Variants in DPP10 observed in about 807,000 individuals in gnomAD.
The protein encoded by DPP10 is dipeptidyl peptidase like 10.
DPP10 carries 33 observed loss-of-function variants against 120.9 expected under a neutral mutation model. The ratio of observed to expected loss-of-function variants is 0.27; its 90% CI spans 0.21 to 0.37. DPP10 has a LOEUF of 0.37. Among genes scored for constraint, DPP10 ranks in the 10% least tolerant of loss-of-function variants. The pLI is 1.00. For synonymous variants in DPP10, 337 were observed against 326.1 expected (o/e 1.03, Z -0.36); for missense variants, 816 against 942.8 (o/e 0.87, Z 1.76).
chr2:114,537,583 T>C (rs1227956901), intron 1 of DPP10, among the ~76,000 whole-genome samples: 1 of 152,018 alleles, frequency 6.6e-6, no homozygotes, highest in African/African-American at 2.4e-5. Flanking sequence ...ATAATAGCAA[T>C]AATGACAACA....
chr2:115,315,848 G>A (rs898099989), intron 2 of DPP10, among the ~76,000 whole-genome samples: 2 of 151,926 alleles, frequency 1.3e-5, no homozygotes, highest in African/African-American at 4.8e-5. Flanking sequence ...TGGATAATAT[G>A]GATTGTTGTT....
At chr2:114,474,932 C>T (rs1167578197) in intron 1 of DPP10, among the ~76,000 whole-genome samples, 1 of 152,174 alleles carries the variant, frequency 6.6e-6, no homozygotes, top group Non-Finnish European at 1.5e-5. Flanking sequence ...GAGTGGTCAC[C>T]CTCTGAGGAA....
chr2:114,524,305 T>C (rs1685313591), intron 1 of DPP10, among the ~76,000 whole-genome samples: 1 of 152,078 alleles, frequency 6.6e-6, no homozygotes, highest in African/African-American at 2.4e-5. Flanking sequence ...AATATTAAAG[T>C]CCTGAACTAA....
intron 1 of DPP10, among the ~76,000 whole-genome samples, chr2:114,464,830 A>T (rs1021020092): frequency 1.2e-4 from 18 of 152,164 alleles, no homozygotes; most frequent in African/African-American, 4.3e-4. Context: ...GTGCCACTGC[A>T]CTCCACCCTG....
At chr2:114,643,967 C>G (rs568782587) in intron 1 of DPP10, among the ~76,000 whole-genome samples, 1 of 135,588 alleles carries the variant, frequency 7.4e-6, no homozygotes, top group Non-Finnish European at 1.5e-5. Flanking sequence ...CAGAGTCTTG[C>G]GTTGTCATCC....
intron 1 of DPP10, among the ~76,000 whole-genome samples, chr2:114,822,223 A>G (rs1686150835): frequency 6.6e-6 from 1 of 152,246 alleles, no homozygotes; most frequent in South Asian, 2.1e-4. Flanking sequence ...TCAGTTCATG[A>G]CTTTGGTGCA....
intron 1 of DPP10, among the ~76,000 whole-genome samples, chr2:114,539,605 G>A (rs973897726): frequency 4.6e-5 from 7 of 152,254 alleles, no homozygotes; most frequent in African/African-American, 9.6e-5. Context: ...CAGCTTTCAC[G>A]TTTCAGCTTC....
chr2:115,041,643 T>C (rs1245210250), intron 1 of DPP10, among the ~76,000 whole-genome samples: 2 of 152,222 alleles, frequency 1.3e-5, no homozygotes, highest in Admixed American at 1.3e-4. Flanking sequence ...TTCCCTTTTG[T>C]ATCACAGTGG....
chr2:115,522,601 A>G (rs1317485695), intron 4 of DPP10, among the ~76,000 whole-genome samples: 1 of 152,072 alleles, frequency 6.6e-6, no homozygotes, highest in South Asian at 2.1e-4. Context: ...TATTTGCTTT[A>G]CTCTGTTTAT....
intron 19 of DPP10, among the ~76,000 whole-genome samples, chr2:115,801,492 G>A (rs1197376094): frequency 6.6e-6 from 1 of 152,126 alleles, no homozygotes; most frequent in East Asian, 1.9e-4. Flanking sequence ...AGTGGTGAGA[G>A]AACATACCTG....
intron 1 of DPP10, among the ~76,000 whole-genome samples, chr2:115,091,521 C>T (rs1709255843): frequency 6.6e-6 from 1 of 152,002 alleles, no homozygotes; most frequent in Non-Finnish European, 1.5e-5. Flanking sequence ...TTACACTCTC[C>T]TCGCCTTCTC....
chr2:115,085,639 C>G (rs1339377172), intron 1 of DPP10, among the ~76,000 whole-genome samples: 1 of 152,116 alleles, frequency 6.6e-6, no homozygotes, highest in Non-Finnish European at 1.5e-5. Flanking sequence ...GTTAGGAAAT[C>G]TCAAAGTTTC....
chr2:115,430,689 A>G (rs1226664129), intron 3 of DPP10, among the ~76,000 whole-genome samples: 1 of 152,132 alleles, frequency 6.6e-6, no homozygotes, highest in African/African-American at 2.4e-5. Flanking sequence ...TTTGCTTTGT[A>G]TTGAATTTTC....
chr2:115,250,199 C>A (rs1438186135), intron 1 of DPP10, among the ~76,000 whole-genome samples: 4 of 152,072 alleles, frequency 2.6e-5, no homozygotes, highest in Admixed American at 2.6e-4. Context: ...ACTGATTCTA[C>A]AAGTGTTGTA....
chr2:115,018,409 A>C (rs1702826323), intron 1 of DPP10, among the ~76,000 whole-genome samples: 1 of 152,186 alleles, frequency 6.6e-6, no homozygotes, highest in Non-Finnish European at 1.5e-5. Context: ...ATATGCACAC[A>C]TATGTTTATT....
intron 1 of DPP10, among the ~76,000 whole-genome samples, chr2:114,873,965 A>T (rs182172482): frequency 1.3e-5 from 2 of 152,310 alleles, no homozygotes; most frequent in East Asian, 3.9e-4. Flanking sequence ...CAACGAACTC[A>T]ATCTGTCGCT....
intron 5 of DPP10, among the ~76,000 whole-genome samples, chr2:115,668,661 G>C (rs1428885823): frequency 1.3e-5 from 2 of 152,042 alleles, no homozygotes; most frequent in South Asian, 4.1e-4. Context: ...GGGTGGGCTG[G>C]TCTGTCAGGT....
chr2:115,398,838 G>C (rs762522761), intron 3 of DPP10, among the ~76,000 whole-genome samples: 1 of 152,092 alleles, frequency 6.6e-6, no homozygotes, highest in Admixed American at 6.6e-5. Flanking sequence ...TATTTAAAAA[G>C]AGGTCTGTTT....
chr2:114,861,204 CAG>C (rs1689783544), intron 1 of DPP10, among the ~76,000 whole-genome samples: 3 of 152,222 alleles, frequency 2.0e-5, no homozygotes, highest in Admixed American at 1.3e-4. Flanking sequence ...CCTGCCAGAA[CAG>C]AGAGTAGGCA....
Sources: gnomAD v4.1 joint callset for allele counts (sites outside exome capture counted in the v4.1 genomes callset) on GRCh38, gnomAD v4.1.1 for gene constraint, MANE v1.5 for transcripts, NCBI Gene and HGNC (gene_info 2026-07-23, HGNC 2026-07-21) for gene names.